EPHA4: variants seen among roughly 807,000 people sequenced by gnomAD.
The protein encoded by EPHA4 is EPH receptor A4, also known as ephrin type-A receptor 4.
In EPHA4, 19 loss-of-function variants were observed where a neutral mutation model predicts 108.3. The observed-to-expected ratio is 0.18, with a 90% confidence interval of 0.12 to 0.26. The LOEUF is 0.26. Ranked by LOEUF, EPHA4 falls within the 10% of genes least tolerant of loss-of-function variation. The probability of loss-of-function intolerance (pLI) is 1.00; values close to 1 mark genes in which losing one functional copy is unlikely to be tolerated. For missense variants in EPHA4, 917 were observed against 1,254.0 expected, an observed-to-expected ratio of 0.73 and a Z score of 4.06; for synonymous variants, 449 against 455.5, an observed-to-expected ratio of 0.99 and a Z score of 0.18.
intron 10 of EPHA4, 53 bp downstream of exon 10, chr2:221,443,440 T>G (rs992835371): frequency 2.7e-5 from 35 of 1,318,058 alleles, no homozygotes; most frequent in Admixed American, 5.1e-5. Context: ...CACACATATT[T>G]AACATCCACC....
chr2:221,531,547 G>C lies in EPHA4; in HGVS notation c.824-30375C>G, dbSNP rs568498321. 3.2e-3 allele frequency among the ~76,000 whole-genome samples: 483 copies of C among 152,170 alleles called. 2 individuals carry two copies. The highest frequency in any genetic ancestry group is 5.5e-3 in the Non-Finnish European group (376 of 68,002). ...GATTGAACAATAACAGAAAGGAAAAGTATGCAAAGCTACTTCCTATATAAA... is the reference window on the plus strand; with the variant it reads ...GATTGAACAATAACAGAAAGGAAAACTATGCAAAGCTACTTCCTATATAAA... On this transcript the variant is annotated intron_variant, in intron 3 of 17. Transcript: ENST00000281821.
At chr2:221,549,946 G>A (rs746914656) in intron 3 of EPHA4, among the ~76,000 whole-genome samples, 3 of 152,156 alleles carry the variant, frequency 2.0e-5, no homozygotes, top group Non-Finnish European at 4.4e-5. Context: ...AGCCAAGATA[G>A]CACCAGCCTG....
chr2:221,503,051 G>T (rs1368127570), intron 3 of EPHA4, among the ~76,000 whole-genome samples: 2 of 152,208 alleles, frequency 1.3e-5, no homozygotes, highest in East Asian at 1.9e-4. Context: ...CAGGAAGAAG[G>T]ACTGGGGGTC....
chr2:221,427,149 C>G (rs1302712864), intron 15 of EPHA4, among the ~76,000 whole-genome samples: 1 of 152,208 alleles, frequency 6.6e-6, no homozygotes, highest in Non-Finnish European at 1.5e-5. Flanking sequence ...TTGGGGCATT[C>G]AAACAAACTT....
chr2:221,506,386 C>A (rs151104756), intron 3 of EPHA4, among the ~76,000 whole-genome samples: 15 of 152,304 alleles, frequency 9.8e-5, no homozygotes, highest in African/African-American at 2.9e-4. Context: ...TGAATATGTG[C>A]AAGCCCCAGC....
chr2:221,492,194 A>G (rs913020947), intron 4 of EPHA4, among the ~76,000 whole-genome samples: 4 of 152,156 alleles, frequency 2.6e-5, no homozygotes, highest in Non-Finnish European at 4.4e-5. Flanking sequence ...AGGGTGGTAG[A>G]AAAATTGTAA....
intron 9 of EPHA4, among the ~76,000 whole-genome samples, chr2:221,445,187 T>C (rs902016540): frequency 6.6e-6 from 1 of 152,188 alleles, no homozygotes; most frequent in African/African-American, 2.4e-5. Context: ...TTCAATAGCT[T>C]GTGTGGCTAT....
intron 3 of EPHA4, among the ~76,000 whole-genome samples, chr2:221,518,068 T>TTTTACAA: frequency 6.6e-6 from 1 of 152,176 alleles, no homozygotes; most frequent in East Asian, 1.9e-4. Flanking sequence ...ACAACTGAGG[T>TTTTACAA]CTTTACTTTC....
At chr2:221,497,479 C>G (rs1692332411) in intron 4 of EPHA4, among the ~76,000 whole-genome samples, 1 of 152,166 alleles carries the variant, frequency 6.6e-6, no homozygotes, top group Non-Finnish European at 1.5e-5. Flanking sequence ...TGGCTCACGC[C>G]TGTAATCCCA....
intron 5 of EPHA4, among the ~76,000 whole-genome samples, chr2:221,459,252 G>A (rs1203521522): frequency 2.0e-5 from 3 of 151,636 alleles, no homozygotes; most frequent in African/African-American, 7.3e-5. Flanking sequence ...GGGGTTATTT[G>A]ACAGCCCAGC....
At chr2:221,429,738 T>G (rs1690015913) in intron 15 of EPHA4, among the ~76,000 whole-genome samples, 2 of 152,084 alleles carry the variant, frequency 1.3e-5, no homozygotes, top group Non-Finnish European at 1.5e-5. Context: ...TTTTTTAAAG[T>G]TTTTTCCTTA....
At position 221,479,362 on chromosome 2, in the gene EPHA4, ATTGAT is replaced by A. The variant is rs371199371; in HGVS notation, c.1318+2985_1318+2989del. 2.0e-4 allele frequency among the ~76,000 whole-genome samples: 30 copies of A among 152,312 alleles called. No individual in the cohort carries two copies. The South Asian group carries it at 5.2e-3, about 26-fold the overall frequency. On this transcript the variant is annotated intron_variant, in intron 5 of 17. Transcript: ENST00000281821. The stretch of plus-strand genomic sequence containing the variant: ...CAAGAATTCTAGCAGGTTTTGCGTG[ATTGAT>A]TTGATTTATCATTTCTAACATATTA...
At chr2:221,570,526 C>T (rs1694800522) in intron 1 of EPHA4, among the ~76,000 whole-genome samples, 1 of 151,968 alleles carries the variant, frequency 6.6e-6, no homozygotes, top group East Asian at 1.9e-4. Flanking sequence ...GAAGCCACGT[C>T]GGAAGGAGAT....
At chr2:221,492,606 G>T (rs7573758) in intron 4 of EPHA4, among the ~76,000 whole-genome samples, 64,083 of 151,980 alleles carry the variant, frequency 0.42, 13,594 homozygotes, top group East Asian at 0.53. Flanking sequence ...AAGGCAATCC[G>T]AAAGGAAGAA....
At position 221,418,540 on chromosome 2, in the gene EPHA4, T is replaced by C. The variant is rs2106080496; in HGVS notation, c.*2832A>G. On this transcript the variant is annotated 3_prime_UTR_variant, in exon 18 of 18. Transcript: ENST00000281821. ...ATTAATACACATATCCTTCACAGAT[T>C]GAATACAAGAGGTCTCAGAATGCAC... The C allele has an allele frequency of 6.5e-6, 1 of 152,750 alleles. No homozygotes were observed. The highest frequency in any genetic ancestry group is 1.9e-4 in the East Asian group (1 of 5,190). 9.5% of individuals were successfully genotyped at this position (152,750 alleles called of 1,614,324 possible). A position where few individuals can be genotyped will look rare whatever the true frequency, so the allele number is the denominator to read the frequency against.
At chr2:221,488,425 A>G (rs1453529730) in intron 4 of EPHA4, among the ~76,000 whole-genome samples, 1 of 152,196 alleles carries the variant, frequency 6.6e-6, no homozygotes, top group African/African-American at 2.4e-5. Flanking sequence ...GAGGGAATAA[A>G]ATGAGACATA....
At chr2:221,566,803 G>GAGA (rs759337510) in intron 2 of EPHA4, among the ~76,000 whole-genome samples, 2 of 137,110 alleles carry the variant, frequency 1.5e-5, no homozygotes, top group Non-Finnish European at 1.6e-5. Context: ...GAAGAAGAGG[G>GAGA]AGAAGAAGAA....
intron 4 of EPHA4, among the ~76,000 whole-genome samples, chr2:221,486,744 T>TAAG (rs1287365166): frequency 1.4e-5 from 2 of 145,788 alleles, no homozygotes; most frequent in African/African-American, 5.0e-5. Flanking sequence ...AAAATAATAA[T>TAAG]AATAATAATA....
chr2:221,511,192 G>C (rs1276415788), intron 3 of EPHA4, among the ~76,000 whole-genome samples: 1 of 151,516 alleles, frequency 6.6e-6, no homozygotes, highest in Non-Finnish European at 1.5e-5. Context: ...CTTTTACTTA[G>C]TTTGATCATT....
Sources: allele counts gnomAD v4.1 joint callset (sites outside exome capture counted in the v4.1 genomes callset), GRCh38; gene constraint gnomAD v4.1.1; transcripts MANE v1.5; gene names NCBI Gene and HGNC (gene_info 2026-07-23, HGNC 2026-07-21).